HPSE2: variants seen among roughly 807,000 people sequenced by gnomAD.
HPSE2 encodes heparanase 2 (inactive).
HPSE2 carries 38 observed loss-of-function variants against 60.5 expected under a neutral mutation model. That is an observed-to-expected ratio of 0.63 (90% CI 0.48 to 0.82). The LOEUF (loss-of-function observed/expected upper bound fraction) is 0.82, where lower values mean the gene tolerates loss of function less well. HPSE2 is among the 40% of genes least tolerant of loss of function. The pLI, the probability that HPSE2 is intolerant of heterozygous loss-of-function variation, is 0.00. For missense variants in HPSE2, 713 were observed against 740.4 expected, an observed-to-expected ratio of 0.96 and a Z score of 0.43; for synonymous variants, 295 against 293.2, an observed-to-expected ratio of 1.01 and a Z score of -0.06.
intron 2 of HPSE2, among the ~76,000 whole-genome samples, chr10:99,222,475 A>G (rs916106257): frequency 2.6e-5 from 4 of 152,234 alleles, no homozygotes; most frequent in African/African-American, 9.6e-5. Context: ...ACAGGACTTC[A>G]CTAGGCTTAA....
intron 3 of HPSE2, among the ~76,000 whole-genome samples, chr10:98,799,404 C>T (rs1268800706): frequency 6.6e-6 from 1 of 152,130 alleles, no homozygotes; most frequent in Admixed American, 6.6e-5. Flanking sequence ...AAGAAGGAAA[C>T]ATCGGACTTC....
intron 3 of HPSE2, among the ~76,000 whole-genome samples, chr10:98,967,752 G>A (rs1040109594): frequency 4.6e-5 from 7 of 152,244 alleles, no homozygotes; most frequent in Admixed American, 3.3e-4. Flanking sequence ...ATTCAGTTGT[G>A]TAACCACTAG....
In HPSE2 at chr10:98,886,506, A is replaced by G. The variant is rs528675369; in HGVS notation, c.611-142450T>C. On this transcript the variant is annotated intron_variant, in intron 3 of 11. Coordinates refer to ENST00000370552, the MANE Select transcript of HPSE2 (RefSeq NM_021828.5). ...TGTTATTAAGAGACAGAGGAGATAC[A>G]TGCTAATGACTCAAATCAAGAGTGT... 3.9e-5 allele frequency among the ~76,000 whole-genome samples: 6 copies of G among 152,256 alleles called. No homozygotes were observed. In the East Asian group the frequency reaches 9.6e-4, roughly 24 times the overall value.
intron 2 of HPSE2, among the ~76,000 whole-genome samples, chr10:99,146,620 G>C (rs557639377): frequency 6.6e-6 from 1 of 152,304 alleles, no homozygotes; most frequent in East Asian, 1.9e-4. Context: ...CCAGCACTTT[G>C]GGAGGCTGAG....
At chr10:98,984,755 G>A (rs999211861) in intron 3 of HPSE2, among the ~76,000 whole-genome samples, 14 of 152,106 alleles carry the variant, frequency 9.2e-5, no homozygotes, top group African/African-American at 2.7e-4. Flanking sequence ...AAAGATTAGA[G>A]GAATGGCTAA....
chr10:98,565,174 T>C (rs1446806985), intron 9 of HPSE2, among the ~76,000 whole-genome samples: 1 of 151,972 alleles, frequency 6.6e-6, no homozygotes, highest in African/African-American at 2.4e-5. Flanking sequence ...TTTTTTAATT[T>C]TACTTTAAGT....
At chr10:99,225,435 T>C (rs972323139) in intron 2 of HPSE2, among the ~76,000 whole-genome samples, 1 of 151,986 alleles carries the variant, frequency 6.6e-6, no homozygotes, top group African/African-American at 2.4e-5. Flanking sequence ...AGTAAATAAA[T>C]GATTATAAAA....
chr10:98,769,273 A>T (rs1182663426), intron 3 of HPSE2, among the ~76,000 whole-genome samples: 4 of 152,148 alleles, frequency 2.6e-5, no homozygotes, highest in Non-Finnish European at 5.9e-5. Flanking sequence ...TGACCATAAA[A>T]AACACCCTCT....
At chr10:99,185,797 A>G (rs1847984574) in intron 2 of HPSE2, among the ~76,000 whole-genome samples, 1 of 152,094 alleles carries the variant, frequency 6.6e-6, no homozygotes, top group Non-Finnish European at 1.5e-5. Context: ...AAGAAAAAGA[A>G]AAGAAAAATA....
rs149384712 is a variant in HPSE2 at position 98,743,969 on chromosome 10, T to C, written c.698A>G (p.Asn233Ser). The change falls in exon 4 of 12, where the codon AAT (asparagine) becomes AGT (serine). Residue 233 changes from asparagine to serine, a missense_variant. Physicochemically the swap from Asn to Ser is conservative, Grantham distance 46. Transcript: ENST00000370552. ...FALNALRRNP[N>S]NSWNSSSALS... Reference sequence around the variant, plus strand: ...GGCACTAGAACTGTTCCAGGAGTTATTGGGATTACGACGCAGTGCATTTAG... The same window carrying C: ...GGCACTAGAACTGTTCCAGGAGTTACTGGGATTACGACGCAGTGCATTTAG... 8.1e-6 allele frequency: 13 copies of C among 1,614,008 alleles called. No individual in the cohort carries two copies. The highest frequency in any genetic ancestry group is 4.5e-5 in the East Asian group (2 of 44,882).
intron 3 of HPSE2, among the ~76,000 whole-genome samples, chr10:99,118,019 C>T (rs1474660465): frequency 6.6e-6 from 1 of 152,110 alleles, no homozygotes; most frequent in East Asian, 1.9e-4. Flanking sequence ...TCTTATCCAC[C>T]ACATCAAAAA....
the HPSE2 span, among the ~76,000 whole-genome samples, chr10:99,245,407 T>A: frequency 2.0e-5 from 3 of 152,206 alleles, no homozygotes; most frequent in African/African-American, 2.4e-5. Context: ...GAGAAATAGG[T>A]CAGATTCTAA....
At chr10:99,255,869 G>A in the HPSE2 span, among the ~76,000 whole-genome samples, 3 of 152,304 alleles carry the variant, frequency 2.0e-5, no homozygotes, top group Admixed American at 1.3e-4. Context: ...AACTGCCTGA[G>A]ACTGGGTAAG....
intron 9 of HPSE2, among the ~76,000 whole-genome samples, chr10:98,562,768 A>C (rs1944229360): frequency 6.6e-6 from 1 of 151,288 alleles, no homozygotes; most frequent in African/African-American, 2.4e-5. Flanking sequence ...TACAATAGAT[A>C]TTCAAAAATA....
the HPSE2 span, among the ~76,000 whole-genome samples, chr10:99,287,607 A>T: frequency 3.3e-5 from 5 of 152,196 alleles, no homozygotes; most frequent in Non-Finnish European, 7.3e-5. Flanking sequence ...CTTGCAGCAG[A>T]TCCTCTTAAA....
chr10:98,979,385 G>A (rs914802931), intron 3 of HPSE2, among the ~76,000 whole-genome samples: 2 of 152,066 alleles, frequency 1.3e-5, no homozygotes, highest in African/African-American at 2.4e-5. Flanking sequence ...TAAATTTGTG[G>A]GTTCATGAGA....
chr10:98,709,313 A>G (rs1458875877), intron 5 of HPSE2, among the ~76,000 whole-genome samples: 1 of 152,192 alleles, frequency 6.6e-6, no homozygotes, highest in Non-Finnish European at 1.5e-5. Context: ...TTATCCAAGG[A>G]CTTTCTACCA....
chr10:98,866,796 A>G (rs984916089), intron 3 of HPSE2, among the ~76,000 whole-genome samples: 3 of 152,194 alleles, frequency 2.0e-5, no homozygotes, highest in African/African-American at 7.2e-5. Context: ...CTTTCAAAAA[A>G]TGAAGATGAA....
At chr10:98,663,675 T>G (rs1264529645) in intron 6 of HPSE2, among the ~76,000 whole-genome samples, 1 of 152,114 alleles carries the variant, frequency 6.6e-6, no homozygotes, top group Non-Finnish European at 1.5e-5. Context: ...CACAAGGACC[T>G]GTGCAATCTT....
Sources: gnomAD v4.1 joint callset for allele counts (sites outside exome capture counted in the v4.1 genomes callset) on GRCh38, gnomAD v4.1.1 for gene constraint, MANE v1.5 for transcripts, NCBI Gene and HGNC (gene_info 2026-07-23, HGNC 2026-07-21) for gene names.